The following INTU variants were observed in gnomAD, a reference collection of about 807,000 sequenced individuals.
INTU encodes the protein protein inturned.
Under a neutral mutation model 100.5 loss-of-function variants are expected in INTU, and 68 were observed. The ratio of observed to expected loss-of-function variants is 0.68; its 90% confidence interval spans 0.56 to 0.83. The LOEUF (loss-of-function observed/expected upper bound fraction) is 0.83. INTU is among the 40% of genes least tolerant of loss of function. The pLI, the probability that INTU is intolerant of heterozygous loss-of-function variation, is 0.00. For missense variants in INTU, 1,071 were observed against 1,114.7 expected, an observed-to-expected ratio of 0.96 and a Z score of 0.56; for synonymous variants, 357 against 395.7, an observed-to-expected ratio of 0.90 and a Z score of 1.16.
intron 2 of INTU, among the ~76,000 whole-genome samples, chr4:127,654,801 A>G (rs1467517184): frequency 1.4e-5 from 2 of 146,250 alleles, no homozygotes; most frequent in African/African-American, 2.6e-5. Context: ...TCTCCTGGAT[A>G]ATATCCTGCA....
intron 2 of INTU, among the ~76,000 whole-genome samples, chr4:127,646,346 A>G (rs1486914299): frequency 3.9e-5 from 6 of 152,142 alleles, no homozygotes; most frequent in Non-Finnish European, 8.8e-5. Flanking sequence ...TTAGTTCTGT[A>G]AAAGGAGCCA....
intron 14 of INTU, among the ~76,000 whole-genome samples, 186 bp from the exon 15 acceptor site, chr4:127,713,750 C>T (rs1374785469): frequency 6.6e-6 from 1 of 152,098 alleles, no homozygotes; most frequent in African/African-American, 2.4e-5. Context: ...ACACTTTATC[C>T]ATGAAGTCTC....
At chr4:127,638,085 C>T (rs1363297435) in intron 1 of INTU, among the ~76,000 whole-genome samples, 1 of 152,056 alleles carries the variant, frequency 6.6e-6, no homozygotes. Flanking sequence ...GATCAGAAGA[C>T]CATCAAGAGT....
rs144489807 is a variant in INTU at position 127,716,328 on chromosome 4, A to T, written c.2721A>T (p.Arg907Ser). The T allele has an allele frequency of 6.6e-7, 1 of 1,513,054 alleles. No individual in the cohort carries two copies. The highest frequency in any genetic ancestry group is 1.4e-5 in the African/African-American group (1 of 71,944). The allele number at this position is 1,513,054 out of a possible 1,614,324, so 93.7% of individuals were successfully genotyped here. A position where few individuals can be genotyped will look rare whatever the true frequency, so the allele number is the denominator to read the frequency against. ...PPVMAYWVVG[R>S]LFLHPKPQEL... Reference sequence around the variant, plus strand: ...AGTGTGTTCTTTTCTTCTGCAGGAGACTTTTTCTTCATCCAAAACCTCAAG... The same window carrying T: ...AGTGTGTTCTTTTCTTCTGCAGGAGTCTTTTTCTTCATCCAAAACCTCAAG... The change falls in exon 16 of 16, where the codon AGA (arginine) becomes AGT (serine). Residue 907 changes from arginine (R) to serine (S), a missense_variant. Transcript: ENST00000335251.
At chr4:127,676,357 T>C (rs1329534751) in intron 6 of INTU, among the ~76,000 whole-genome samples, 2 of 152,046 alleles carry the variant, frequency 1.3e-5, no homozygotes, top group African/African-American at 2.4e-5. Flanking sequence ...AGGCCAAGGC[T>C]GGCGGATTGC....
At chr4:127,670,828 C>G (rs552685317) in intron 5 of INTU, among the ~76,000 whole-genome samples, 3 of 151,978 alleles carry the variant, frequency 2.0e-5, no homozygotes. Flanking sequence ...AGCCAATTGA[C>G]CTTTGACAAA....
intron 14 of INTU, 71 bp from the exon 15 acceptor site, chr4:127,713,865 T>G (rs1731172343): frequency 2.7e-6 from 3 of 1,110,956 alleles, no homozygotes. Context: ...CAATTCAGAT[T>G]ACTCTGTGAA....
At chr4:127,666,317 A>G (rs1728696485) in intron 4 of INTU, among the ~76,000 whole-genome samples, 4 of 152,052 alleles carry the variant, frequency 2.6e-5, no homozygotes, top group Admixed American at 2.0e-4. Context: ...CTCACTTGTA[A>G]TGGTTTCCCT....
rs1218926683 is a variant in INTU at position 127,706,493 on chromosome 4, T to C, written c.1795T>C (p.Tyr599His). 1.9e-6 allele frequency: 3 copies of C among 1,605,952 alleles called. No individual in the cohort carries two copies. Among genetic ancestry groups the C allele is most frequent in the East Asian group, 2.2e-5 (1 of 44,762 alleles). ...GTAATTTTTTTCCCTATAGAAACATTATATGCTATGTGTACTATTAGAAGC... is the reference window on the plus strand; with the variant it reads ...GTAATTTTTTTCCCTATAGAAACATCATATGCTATGTGTACTATTAGAAGC... Reference protein sequence around the residue: ...YFLLVVGLKHYMLCVLLEAGG... With the variant: ...YFLLVVGLKHHMLCVLLEAGG... The change falls in exon 12 of 16, where the codon TAT becomes CAT. Residue 599 changes from tyrosine to histidine, a missense_variant. Tyr to His is a moderately conservative substitution (Grantham distance 83). Coordinates refer to ENST00000335251, the MANE Select transcript of INTU (RefSeq NM_015693.4).
intron 2 of INTU, among the ~76,000 whole-genome samples, chr4:127,651,486 C>T (rs1420666622): frequency 1.3e-5 from 2 of 152,176 alleles, no homozygotes; most frequent in Non-Finnish European, 2.9e-5. Flanking sequence ...ATCCTTTCCC[C>T]ATTGCTTGTT....
chr4:127,654,601 C>T (rs1246201406), intron 2 of INTU, among the ~76,000 whole-genome samples: 4 of 152,056 alleles, frequency 2.6e-5, no homozygotes, highest in Non-Finnish European at 5.9e-5. Context: ...CGCTGTTAGT[C>T]TGATGGGCTT....
chr4:127,663,659 T>C, intron 4 of INTU, 75 bp downstream of exon 4: 1 of 1,121,696 alleles, frequency 8.9e-7, no homozygotes, highest in Non-Finnish European at 1.3e-6. Flanking sequence ...CCTTTTATCG[T>C]ATTCCCAGTG....
chr4:127,685,362 G>A (rs1389605955), intron 7 of INTU: 8 of 437,442 alleles, frequency 1.8e-5, no homozygotes, highest in African/African-American at 1.6e-4. Context: ...TCCAAAGGCA[G>A]TTTATACATT....
intron 12 of INTU, 88 bp downstream of exon 12, chr4:127,707,057 C>G: frequency 7.2e-7 from 1 of 1,388,680 alleles, no homozygotes; most frequent in Non-Finnish European, 9.8e-7. Context: ...TTTTTAGTGG[C>G]ATACCATTCT....
intron 3 of INTU, among the ~76,000 whole-genome samples, chr4:127,660,674 T>G (rs531975970): frequency 4.3e-4 from 66 of 152,234 alleles, no homozygotes; most frequent in African/African-American, 1.5e-3. Context: ...GCAACAAGAC[T>G]TTGGAAGTGA....
intron 11 of INTU, 55 bp from the exon 12 acceptor site, chr4:127,706,432 T>A: frequency 6.9e-7 from 1 of 1,445,418 alleles, no homozygotes; most frequent in Non-Finnish European, 9.4e-7. Flanking sequence ...ATGCACATTT[T>A]ATGTAAATAT....
intron 6 of INTU, among the ~76,000 whole-genome samples, chr4:127,678,115 C>G (rs1464591891): frequency 2.0e-5 from 3 of 152,204 alleles, no homozygotes; most frequent in Non-Finnish European, 4.4e-5. Flanking sequence ...AAGACCAAAT[C>G]TACGTCTGAT....
At chr4:127,658,515 T>C (rs778406243) in intron 3 of INTU, among the ~76,000 whole-genome samples, 1 of 152,202 alleles carries the variant, frequency 6.6e-6, no homozygotes, top group Non-Finnish European at 1.5e-5. Context: ...TTGCAGTATT[T>C]TGACAAGTGA....
chr4:127,656,146 C>T lies in INTU; in HGVS notation c.683-490C>T, dbSNP rs572480299. Among the ~76,000 whole-genome samples the T allele has an allele frequency of 7.9e-5, 12 of 152,146 alleles. No individual in the cohort carries two copies. The South Asian group carries it at 1.9e-3, about 24-fold the overall frequency. The stretch of plus-strand genomic sequence containing the variant: ...CTGGTACTCCCTAGTGAGATGAACC[C>T]GGTACCTCAGATGGAAATGCAGAAA... On this transcript the variant is annotated intron_variant, in intron 2 of 15. Transcript: ENST00000335251.
Sources: allele counts gnomAD v4.1 joint callset (sites outside exome capture counted in the v4.1 genomes callset), GRCh38; gene constraint gnomAD v4.1.1; transcripts MANE v1.5; gene names NCBI Gene and HGNC (gene_info 2026-07-23, HGNC 2026-07-21).